Variants in GABRG3 observed in about 807,000 individuals in gnomAD.
GABRG3 encodes the protein gamma-aminobutyric acid type A receptor subunit gamma3, also known as gamma-aminobutyric acid receptor subunit gamma-3.
In GABRG3, 25 loss-of-function variants were observed where a neutral mutation model predicts 48.8. The ratio of observed to expected loss-of-function variants is 0.51; its 90% CI spans 0.37 to 0.72. The LOEUF is 0.72. Among genes scored for constraint, GABRG3 ranks in the 30% least tolerant of loss-of-function variants. The pLI is 0.00. For missense variants in GABRG3, 394 were observed against 577.9 expected, an observed-to-expected ratio of 0.68 and a Z score of 3.26; for synonymous variants, 227 against 217.6, an observed-to-expected ratio of 1.04 and a Z score of -0.38.
At chr15:27,491,943 A>AT (rs1252674159) in intron 6 of GABRG3, among the ~76,000 whole-genome samples, 1 of 152,114 alleles carries the variant, frequency 6.6e-6, no homozygotes, top group Non-Finnish European at 1.5e-5. Context: ...TACAGAATTA[A>AT]TTTTTTAGTC....
At chr15:27,454,716 T>C (rs1340521868) in intron 5 of GABRG3, among the ~76,000 whole-genome samples, 1 of 152,206 alleles carries the variant, frequency 6.6e-6, no homozygotes, top group Non-Finnish European at 1.5e-5. Context: ...TGATGGGTAT[T>C]CCATTCATGC....
intron 3 of GABRG3, among the ~76,000 whole-genome samples, chr15:27,054,634 C>T (rs1307579223): frequency 1.3e-5 from 2 of 152,088 alleles, no homozygotes. Context: ...GAAAACTGGC[C>T]AGGACAACGC....
At chr15:27,458,378 C>T (rs573383093) in intron 5 of GABRG3, among the ~76,000 whole-genome samples, 16 of 152,154 alleles carry the variant, frequency 1.1e-4, no homozygotes, top group Non-Finnish European at 1.6e-4. Flanking sequence ...TGACTGGTGA[C>T]GTGCATGTGT....
chr15:27,084,106 G>A (rs1897036490), intron 3 of GABRG3, among the ~76,000 whole-genome samples: 1 of 152,170 alleles, frequency 6.6e-6, no homozygotes, highest in Admixed American at 6.5e-5. Context: ...TCTCATCCAG[G>A]CCGTCTTGCC....
intron 3 of GABRG3, among the ~76,000 whole-genome samples, chr15:27,091,473 G>A (rs959282317): frequency 6.6e-6 from 1 of 152,058 alleles, no homozygotes; most frequent in Non-Finnish European, 1.5e-5. Flanking sequence ...TTGTAATGAT[G>A]ACCTCATAGA....
intron 3 of GABRG3, among the ~76,000 whole-genome samples, chr15:27,243,801 A>G (rs545814214): frequency 2.4e-4 from 36 of 152,344 alleles, no homozygotes; most frequent in African/African-American, 8.7e-4. Flanking sequence ...AATGCATGGC[A>G]GAAAATTTTA....
At chr15:27,066,519 A>G (rs59427753) in intron 3 of GABRG3, among the ~76,000 whole-genome samples, 2,607 of 152,302 alleles carry the variant, frequency 0.017, 74 homozygotes, top group African/African-American at 0.059. Flanking sequence ...TGGAAGAAAA[A>G]GAAAAATAGG....
At chr15:27,142,780 G>C (rs182667880) in intron 3 of GABRG3, among the ~76,000 whole-genome samples, 1 of 147,370 alleles carries the variant, frequency 6.8e-6, no homozygotes, top group African/African-American at 2.5e-5. Flanking sequence ...TGTTTGCTTG[G>C]TTTTTTTTTT....
chr15:26,976,098 T>A lies in GABRG3; in HGVS notation c.54-904T>A, dbSNP rs1268197578. Among the ~76,000 whole-genome samples, 5 of 150,280 alleles carry A rather than the reference T, an allele frequency of 3.3e-5. No homozygotes were observed. The highest frequency in any genetic ancestry group is 6.6e-5 in the Admixed American group (1 of 15,060). ...TGCCAATTATAAACCAAACATTTTT[T>A]AAAAAACCCAAAACTGCAGAACCAA... is the stretch of plus-strand genomic sequence containing the variant. On this transcript the variant is annotated intron_variant, in intron 1 of 9. Coordinates refer to ENST00000615808, the MANE Select transcript of GABRG3 (RefSeq NM_033223.5). The surrounding 1 kb of genome is among the most constrained non-coding windows in gnomAD (Gnocchi z 7.8).
At chr15:27,416,610 T>C (rs1208430933) in intron 5 of GABRG3, among the ~76,000 whole-genome samples, 2 of 152,192 alleles carry the variant, frequency 1.3e-5, no homozygotes, top group East Asian at 1.9e-4. Context: ...TTTTCGACGG[T>C]TGAGTCCCCC....
At chr15:27,126,653 C>T (rs534785625) in intron 3 of GABRG3, among the ~76,000 whole-genome samples, 1 of 152,346 alleles carries the variant, frequency 6.6e-6, no homozygotes, top group East Asian at 1.9e-4. Flanking sequence ...TGAGTCATCT[C>T]CCCAAAGTGG....
At position 27,387,890 on chromosome 15, in the gene GABRG3, GGGAA is replaced by G. The variant is rs1187922274; in HGVS notation, c.574+59014_574+59017del. On this transcript the variant is annotated intron_variant, in intron 5 of 9. Transcript: ENST00000615808. Reference sequence around the variant, plus strand: ...AGGAGGGAGGGAGGGAGGGGAAGGAGGGAAGGAAGGAAGGAGGGAAGGAGGGAAG... The same window carrying G: ...AGGAGGGAGGGAGGGAGGGGAAGGAGGGAAGGAAGGAGGGAAGGAGGGAAG... Among the ~76,000 whole-genome samples, 10 of 49,484 alleles carry G rather than the reference GGGAA, an allele frequency of 2.0e-4. No individual in the cohort carries two copies. In the East Asian group the frequency reaches 5.4e-3, roughly 27 times the overall value. 32.5% of individuals were successfully genotyped at this position (49,484 alleles called of 152,430 possible).
At chr15:27,123,969 G>A (rs1036780714) in intron 3 of GABRG3, among the ~76,000 whole-genome samples, 2 of 152,276 alleles carry the variant, frequency 1.3e-5, no homozygotes, top group Non-Finnish European at 1.5e-5. Flanking sequence ...ACACCCAGGC[G>A]GCCGGAGCCT....
intron 5 of GABRG3, among the ~76,000 whole-genome samples, chr15:27,405,666 A>T (rs185733562): frequency 1.1e-4 from 16 of 150,904 alleles, no homozygotes; most frequent in South Asian, 4.2e-4. Flanking sequence ...GTTCATCTGT[A>T]GGTGAATTGA....
rs116911968 is a variant in GABRG3 at position 27,381,926 on chromosome 15, G to A, written c.574+53038G>A. ...TATGATTAATTTATAAGCTTTTCAC[G>A]TGTGTAAATCTGCCCCTTGCCTCTC... On this transcript the variant is annotated intron_variant, in intron 5 of 9. Transcript: ENST00000615808. 8.5e-5 allele frequency among the ~76,000 whole-genome samples: 13 copies of A among 152,268 alleles called. 1 individual carries two copies. The South Asian group carries it at 1.2e-3, about 15-fold the overall frequency.
At chr15:27,110,109 C>T (rs951001103) in intron 3 of GABRG3, among the ~76,000 whole-genome samples, 4 of 152,026 alleles carry the variant, frequency 2.6e-5, no homozygotes, top group Non-Finnish European at 5.9e-5. Context: ...CTCTTTTTCT[C>T]TCTTGTTTCC....
At chr15:27,513,118 T>C (rs1890936332) in intron 6 of GABRG3, among the ~76,000 whole-genome samples, 1 of 151,292 alleles carries the variant, frequency 6.6e-6, no homozygotes. Flanking sequence ...CAGGAGATAT[T>C]TGGGGGAGGG....
intron 3 of GABRG3, among the ~76,000 whole-genome samples, chr15:27,315,869 T>C (rs1893195589): frequency 6.6e-6 from 1 of 152,224 alleles, no homozygotes; most frequent in Non-Finnish European, 1.5e-5. Flanking sequence ...TCATTTCTCC[T>C]TATGTAGCTC....
chr15:27,213,619 C>G (rs1362389299), intron 3 of GABRG3, among the ~76,000 whole-genome samples: 1 of 152,228 alleles, frequency 6.6e-6, no homozygotes, highest in Non-Finnish European at 1.5e-5. Context: ...CTGGTTTGTT[C>G]TGAGATGCTG....
Sources: allele counts gnomAD v4.1 joint callset (sites outside exome capture counted in the v4.1 genomes callset), GRCh38; gene constraint gnomAD v4.1.1; non-coding constraint Gnocchi (gnomAD v3.1); transcripts MANE v1.5; gene names NCBI Gene and HGNC (gene_info 2026-07-23, HGNC 2026-07-21).